The following NRCAM variants were observed in gnomAD, a reference collection of about 807,000 sequenced individuals.
NRCAM encodes neuronal cell adhesion molecule.
A neutral mutation model predicts 156.5 loss-of-function variants in NRCAM; 83 were observed. The observed-to-expected ratio is 0.53, with a 90% CI of 0.44 to 0.64. The LOEUF is 0.64. Among genes scored for constraint, NRCAM ranks in the 30% least tolerant of loss-of-function variants. The pLI is 0.00. For missense variants in NRCAM, 1,417 were observed against 1,597.3 expected (o/e 0.89, Z 1.92); for synonymous variants, 538 against 563.9 (o/e 0.95, Z 0.65).
At chr7:108,161,232 T>G (rs1423286625) in intron 30 of NRCAM, among the ~76,000 whole-genome samples, 2 of 152,356 alleles carry the variant, frequency 1.3e-5, no homozygotes, top group East Asian at 3.9e-4. Context: ...AACTCATTAT[T>G]TGCCTACATG....
intron 10 of NRCAM, among the ~76,000 whole-genome samples, chr7:108,224,206 A>G (rs775499750): frequency 2.0e-5 from 3 of 152,148 alleles, no homozygotes; most frequent in Non-Finnish European, 4.4e-5. Context: ...ATTAGTGCTT[A>G]GGTCGAAGCA....
rs139275160 is a variant in NRCAM, at chr7:108,400,641, C to T, written c.-331-1048G>A. On this transcript the variant is annotated intron_variant, in intron 1 of 32. Coordinates refer to ENST00000379028, the MANE Select transcript of NRCAM (RefSeq NM_001037132.4). ...TCTACACTTTTGGCACCTGACAACT[C>T]ATTTGTTTTAAAATAGATAAAATTT... Among the ~76,000 whole-genome samples the T allele has an allele frequency of 4.9e-4, 74 of 152,286 alleles. No individual in the cohort carries two copies. In the East Asian group the frequency reaches 0.013, roughly 27 times the overall value.
At chr7:108,171,933 T>G (rs923195892) in intron 28 of NRCAM, among the ~76,000 whole-genome samples, 1 of 152,184 alleles carries the variant, frequency 6.6e-6, no homozygotes, top group Non-Finnish European at 1.5e-5. Context: ...AGTAAAATAA[T>G]GTAGTGAGAG....
intron 11 of NRCAM, among the ~76,000 whole-genome samples, chr7:108,214,822 G>T (rs1186752634): frequency 1.3e-5 from 2 of 152,148 alleles, no homozygotes; most frequent in African/African-American, 2.4e-5. Flanking sequence ...TGGTTTCAAA[G>T]AACTTATTTA....
intron 28 of NRCAM, among the ~76,000 whole-genome samples, chr7:108,172,779 A>T (rs2058988396): frequency 6.6e-6 from 1 of 152,164 alleles, no homozygotes; most frequent in Admixed American, 6.5e-5. Flanking sequence ...TAGTTAATTG[A>T]ATTATCCTGG....
intron 14 of NRCAM, among the ~76,000 whole-genome samples, chr7:108,197,491 A>G (rs1347846775): frequency 6.6e-6 from 1 of 152,212 alleles, no homozygotes; most frequent in African/African-American, 2.4e-5. Context: ...ATGTTTCAGT[A>G]TATCACACTT....
chr7:108,234,634 G>A lies in NRCAM; in HGVS notation c.179C>T (p.Pro60Leu), dbSNP rs2094714989. The change falls in exon 6 of 33, where the codon CCT becomes CTT. Residue 60 changes from proline (P) to leucine (L), a missense_variant. Pro to Leu is a moderately conservative substitution (Grantham distance 98). This residue lies in a region of NRCAM where 1,238 missense variants were observed against 1,336.4 expected (regional missense o/e 0.93). Transcript: ENST00000379028. ...QQSPKDYIID[P>L]RENIVIQCEA... The stretch of plus-strand genomic sequence containing the variant: ...ACACTGGATTACAATATTCTCCCGA[G>A]GGTCAATAATGTAATCTTTTGGAGA... The A allele has an allele frequency of 1.2e-6, 2 of 1,613,230 alleles. No homozygotes were observed. Among genetic ancestry groups the A allele is most frequent in the Non-Finnish European group, 1.7e-6 (2 of 1,179,468 alleles).
chr7:108,288,771 C>A (rs2098189978), intron 3 of NRCAM, among the ~76,000 whole-genome samples: 1 of 152,026 alleles, frequency 6.6e-6, no homozygotes, highest in South Asian at 2.1e-4. Context: ...TTTTCTCCCA[C>A]CAAAAAGAAA....
chr7:108,219,837 G>C (rs866651907), intron 11 of NRCAM, among the ~76,000 whole-genome samples: 4 of 152,086 alleles, frequency 2.6e-5, no homozygotes, highest in African/African-American at 9.7e-5. Flanking sequence ...CATAGTACTG[G>C]AAGTCCTAGC....
At chr7:108,205,567 T>G (rs922793551) in intron 13 of NRCAM, among the ~76,000 whole-genome samples, 6 of 152,222 alleles carry the variant, frequency 3.9e-5, no homozygotes, top group African/African-American at 7.2e-5. Flanking sequence ...GCTGAAGGGC[T>G]AGATGGATGG....
intron 32 of NRCAM, among the ~76,000 whole-genome samples, chr7:108,154,564 G>A (rs1488840141): frequency 2.6e-5 from 4 of 152,028 alleles, no homozygotes; most frequent in African/African-American, 4.8e-5. Context: ...ACAGCAACAC[G>A]GGCTGTGCTT....
chr7:108,384,387 G>T (rs1053953287), intron 2 of NRCAM, among the ~76,000 whole-genome samples: 15 of 152,096 alleles, frequency 9.9e-5, no homozygotes, highest in Middle Eastern at 3.4e-3. Context: ...ATTGTTGAAG[G>T]GCACAAGATG....
At chr7:108,296,753 A>G (rs936970873) in intron 3 of NRCAM, among the ~76,000 whole-genome samples, 4 of 152,214 alleles carry the variant, frequency 2.6e-5, no homozygotes, top group Admixed American at 6.5e-5. Context: ...CATTAGGAAC[A>G]TTGTTCTTAT....
At chr7:108,232,072 G>T (rs1028972518) in intron 7 of NRCAM, among the ~76,000 whole-genome samples, 1 of 150,764 alleles carries the variant, frequency 6.6e-6, no homozygotes, top group African/African-American at 2.5e-5. Context: ...ACTCAGGGAA[G>T]AAACACTTTT....
intron 3 of NRCAM, among the ~76,000 whole-genome samples, chr7:108,255,292 G>C (rs943198378): frequency 8.6e-5 from 13 of 151,830 alleles, no homozygotes; most frequent in African/African-American, 2.4e-4. Flanking sequence ...TCAGCCTGCC[G>C]AGTGCCTGGG....
intron 3 of NRCAM, among the ~76,000 whole-genome samples, chr7:108,255,453 C>A (rs573519254): frequency 2.0e-4 from 30 of 152,332 alleles, no homozygotes; most frequent in Middle Eastern, 3.4e-3. Context: ...CAGACGGAGT[C>A]TCGCTCACTC....
At chr7:108,349,121 C>T (rs1375249986) in intron 2 of NRCAM, among the ~76,000 whole-genome samples, 1 of 152,136 alleles carries the variant, frequency 6.6e-6, no homozygotes, top group Non-Finnish European at 1.5e-5. Flanking sequence ...AGTGTGACTA[C>T]AGCCTAGAAA....
At chr7:108,176,633 G>A in intron 26 of NRCAM, 27 bp from the exon 27 acceptor site, 1 of 1,544,276 alleles carries the variant, frequency 6.5e-7, no homozygotes, top group South Asian at 1.1e-5. Flanking sequence ...ATGAACAAGT[G>A]CATTCTCCAT....
At chr7:108,350,027 C>G (rs558464255) in intron 2 of NRCAM, among the ~76,000 whole-genome samples, 34 of 152,194 alleles carry the variant, frequency 2.2e-4, no homozygotes, top group Admixed American at 4.6e-4. Flanking sequence ...CTTTAGTTCC[C>G]TGAATCTATC....
Sources: gnomAD v4.1 joint callset for allele counts (sites outside exome capture counted in the v4.1 genomes callset) on GRCh38, gnomAD v4.1.1 for gene constraint, gnomAD v4.1.1 regional missense constraint, MANE v1.5 for transcripts, NCBI Gene and HGNC (gene_info 2026-07-23, HGNC 2026-07-21) for gene names.